Variants in TBR1 observed in about 807,000 individuals in gnomAD.
TBR1 encodes the protein T-box brain protein 1.
Under a neutral mutation model 60.3 loss-of-function variants are expected in TBR1, and 7 were observed. The observed-to-expected ratio is 0.12, with a 90% CI of 0.07 to 0.22. The LOEUF is 0.22. Among genes scored for constraint, TBR1 ranks in the 10% least tolerant of loss-of-function variants. TBR1 has a pLI of 1.00. For missense variants in TBR1, 616 were observed against 936.8 expected, an observed-to-expected ratio of 0.66 and a Z score of 4.47; for synonymous variants, 417 against 409.9, an observed-to-expected ratio of 1.02 and a Z score of -0.21.
rs1684138540 is a variant in TBR1 at position 161,417,208 on chromosome 2, G to T, written c.692+106G>T. The T allele has an allele frequency of 1.7e-6, 2 of 1,204,428 alleles. No homozygotes were observed. Among genetic ancestry groups the T allele is most frequent in the African/African-American group, 3.1e-5 (2 of 64,970 alleles). The allele number at this position is 1,204,428 out of a possible 1,614,324, so 74.6% of individuals were successfully genotyped here. A position where few individuals can be genotyped will look rare whatever the true frequency, so the allele number is the denominator to read the frequency against. On this transcript the variant is annotated intron_variant, in intron 1 of 5. Transcript: ENST00000389554. The surrounding 1 kb of genome is among the most constrained non-coding windows in gnomAD (Gnocchi z 5.3). Reference sequence around the variant, plus strand: ...ACGATTTGGGGTCGGGAGCGGAGTGGAAGGCGCCCTAGAGTTGGCTAGTTT... The same window carrying T: ...ACGATTTGGGGTCGGGAGCGGAGTGTAAGGCGCCCTAGAGTTGGCTAGTTT...
Position 161,417,520 on chromosome 2 carries a change from C to T in TBR1, c.693-156C>T, listed in dbSNP as rs1390423669. The T allele has an allele frequency of 4.0e-6, 4 of 1,011,800 alleles. No homozygotes were observed. The highest frequency in any genetic ancestry group is 5.7e-6 in the Non-Finnish European group (4 of 698,398). The allele number at this position is 1,011,800 out of a possible 1,614,324, so 62.7% of individuals were successfully genotyped here. ...TGATTTGGGTTGCACTTCTTTTCTTCTCCCACCACCCTTTTTCTAATCCAG... is the reference window on the plus strand; with the variant it reads ...TGATTTGGGTTGCACTTCTTTTCTTTTCCCACCACCCTTTTTCTAATCCAG... On this transcript the variant is annotated intron_variant, in intron 1 of 5. Coordinates refer to ENST00000389554, the MANE Select transcript of TBR1 (RefSeq NM_006593.4). The surrounding 1 kb of genome is among the most constrained non-coding windows in gnomAD (Gnocchi z 5.3).
chr2:161,418,888 A>G lies in TBR1; in HGVS notation c.970-4A>G, dbSNP rs893785093. Reference sequence around the variant, plus strand: ...CGGCGCTCCCCTTTCTTCCCGCCGGACAGATGGTGGTTTTACAGTCCTTGC... The same window carrying G: ...CGGCGCTCCCCTTTCTTCCCGCCGGGCAGATGGTGGTTTTACAGTCCTTGC... On this transcript the variant is annotated splice_polypyrimidine_tract_variant and splice_region_variant and intron_variant, in intron 3 of 5. Coordinates refer to ENST00000389554, the MANE Select transcript of TBR1 (RefSeq NM_006593.4). 4.4e-6 allele frequency: 7 copies of G among 1,608,032 alleles called. No individual in the cohort carries two copies. In the African/African-American group the frequency reaches 8.1e-5, roughly 19 times the overall value.
At chr2:161,422,306 T>C (rs1684245488) in intron 5 of TBR1, 1 of 152,266 alleles carries the variant, frequency 6.6e-6, no homozygotes, top group Admixed American at 6.5e-5. Context: ...TCAATTCTAA[T>C]GGGATTTTCT....
At chr2:161,418,624 G>T in intron 3 of TBR1, 2 of 551,898 alleles carry the variant, frequency 3.6e-6, no homozygotes, top group South Asian at 4.8e-5. Context: ...CTCCTTACAG[G>T]AGGACTAGGA....
Position 161,417,585 on chromosome 2 carries a change from T to C in TBR1, c.693-91T>C, listed in dbSNP as rs1214930812. The stretch of plus-strand genomic sequence containing the variant: ...TTTGCTGCAAGTACAAGTTTTGCTT[T>C]GCTAACTGGCGCCCCGCTTCTTGCA... On this transcript the variant is annotated intron_variant, in intron 1 of 5. Coordinates refer to ENST00000389554, the MANE Select transcript of TBR1 (RefSeq NM_006593.4). This position sits in a 1 kb window ranked among gnomAD's most constrained non-coding sequence, Gnocchi z 5.3. 4.0e-6 allele frequency: 6 copies of C among 1,489,568 alleles called. No individual in the cohort carries two copies. Among genetic ancestry groups the C allele is most frequent in the Non-Finnish European group, 5.4e-6 (6 of 1,105,564 alleles). The allele number at this position is 1,489,568 out of a possible 1,614,324, so 92.3% of individuals were successfully genotyped here. A position where few individuals can be genotyped will look rare whatever the true frequency, so the allele number is the denominator to read the frequency against.
In TBR1 at chr2:161,416,508, T is replaced by C. The variant is rs1574148762; in HGVS notation, c.98T>C (p.Val33Ala). 1 of 1,614,126 alleles carries C rather than the reference T, an allele frequency of 6.2e-7. No individual in the cohort carries two copies. ...SYPHSGGSEL[V>A]LHDHPIISTT... ...CCACATTCAGGCGGATCCGAGCTTG[T>C]CTTGCACGATCATCCCATTATCTCG... Residue 33 changes from valine (V) to alanine (A), a missense_variant, in exon 1 of 6, where the codon GTC becomes GCC. By Grantham distance (64) the Val-to-Ala change is moderately conservative. This residue lies in a region of TBR1 where 211 missense variants were observed against 268.7 expected (regional missense o/e 0.79). Coordinates refer to ENST00000389554, the MANE Select transcript of TBR1 (RefSeq NM_006593.4). The surrounding 1 kb of genome is among the most constrained non-coding windows in gnomAD (Gnocchi z 6.1).
rs1290848357 is a variant in TBR1, at chr2:161,417,929, C to G, written c.847+99C>G. 3 of 1,490,368 alleles carry G rather than the reference C, an allele frequency of 2.0e-6. No individual in the cohort carries two copies. The highest frequency in any genetic ancestry group is 2.7e-6 in the Non-Finnish European group (3 of 1,119,374). The allele number at this position is 1,490,368 out of a possible 1,614,324, so 92.3% of individuals were successfully genotyped here. ...TGGCTCGAGCGACTTTTAAAACGATCGGCCAATGACTTCTAAAAGGAAACG... is the reference window on the plus strand; with the variant it reads ...TGGCTCGAGCGACTTTTAAAACGATGGGCCAATGACTTCTAAAAGGAAACG... On this transcript the variant is annotated intron_variant, in intron 2 of 5. Transcript: ENST00000389554. The surrounding 1 kb of genome is among the most constrained non-coding windows in gnomAD (Gnocchi z 5.3).
At chr2:161,422,901 G>A (rs1221132896) in intron 5 of TBR1, 1 of 153,616 alleles carries the variant, frequency 6.5e-6, no homozygotes, top group Non-Finnish European at 1.4e-5. Flanking sequence ...GGTCTTAAAA[G>A]GGTGGAGGAG....
At chr2:161,418,756 C>T (rs1574150088) in intron 3 of TBR1, 136 bp from the exon 4 acceptor site, 1 of 1,231,198 alleles carries the variant, frequency 8.1e-7, no homozygotes, top group South Asian at 1.6e-5. Context: ...CAGGCGAGTC[C>T]CGCGGTCAGT....
rs1252411422 is a variant in TBR1 at position 161,419,068 on chromosome 2, C to T, written c.1128+18C>T. The T allele has an allele frequency of 6.2e-7, 1 of 1,613,654 alleles. No homozygotes were observed. The highest frequency in any genetic ancestry group is 2.2e-5 in the East Asian group (1 of 44,796). Reference sequence around the variant, plus strand: ...ACACGGATGTAAGGAGACCTAGGGGCTGGGGGCGAGGCGGGCGGCACAGAC... The same window carrying T: ...ACACGGATGTAAGGAGACCTAGGGGTTGGGGGCGAGGCGGGCGGCACAGAC... On this transcript the variant is annotated intron_variant, in intron 4 of 5. Transcript: ENST00000389554.
In TBR1 at chr2:161,424,320, G is replaced by A; in HGVS notation, c.*93G>A. 7.5e-7 allele frequency: 1 copy of A among 1,332,208 alleles called. No homozygotes were observed. Among genetic ancestry groups the A allele is most frequent in the Non-Finnish European group, 1.0e-6 (1 of 986,440 alleles). 82.5% of individuals were successfully genotyped at this position (1,332,208 alleles called of 1,614,324 possible). The stretch of plus-strand genomic sequence containing the variant: ...GCTCCGCCTCCCCACACTCCTCCTT[G>A]CGCACCCACTCATTTTATTTGACCC... On this transcript the variant is annotated 3_prime_UTR_variant, in exon 6 of 6. Transcript: ENST00000389554. The surrounding 1 kb of genome is among the most constrained non-coding windows in gnomAD (Gnocchi z 4.4).
rs1330079176 is a variant in TBR1 at position 161,423,919 on chromosome 2, T to C, written c.1741T>C (p.Tyr581His). 8 of 1,526,178 alleles carry C rather than the reference T, an allele frequency of 5.2e-6. No homozygotes were observed. Among genetic ancestry groups the C allele is most frequent in the Non-Finnish European group, 7.0e-6 (8 of 1,136,570 alleles). 94.5% of individuals were successfully genotyped at this position (1,526,178 alleles called of 1,614,324 possible). ...AAARMAGANP[Y>H]LGEEAEGLAA... Reference sequence around the variant, plus strand: ...CGCGCGCATGGCCGGCGCCAATCCCTACCTGGGCGAGGAGGCCGAGGGCCT... The same window carrying C: ...CGCGCGCATGGCCGGCGCCAATCCCCACCTGGGCGAGGAGGCCGAGGGCCT... Residue 581 changes from tyrosine (Y) to histidine (H), a missense_variant, in exon 6 of 6, where the codon TAC (tyrosine) becomes CAC (histidine). This residue lies in a region of TBR1 where 210 missense variants were observed against 297.4 expected (regional missense o/e 0.71). Coordinates refer to ENST00000389554, the MANE Select transcript of TBR1 (RefSeq NM_006593.4).
rs1161575681 is a variant in TBR1, at chr2:161,418,794, C to T, written c.970-98C>T. On this transcript the variant is annotated intron_variant, in intron 3 of 5. Transcript: ENST00000389554. Reference sequence around the variant, plus strand: ...GCCTGGAAGGCGGGCTGCAGGCTGCCTCCGCCGGCCCGGGCGCGCAGCCGG... The same window carrying T: ...GCCTGGAAGGCGGGCTGCAGGCTGCTTCCGCCGGCCCGGGCGCGCAGCCGG... 1.6e-5 allele frequency: 24 copies of T among 1,480,368 alleles called. No individual in the cohort carries two copies. In the Admixed American group the frequency reaches 5.5e-4, roughly 34 times the overall value. 91.7% of individuals were successfully genotyped at this position (1,480,368 alleles called of 1,614,324 possible).
chr2:161,423,796 G>A lies in TBR1; in HGVS notation c.1618G>A (p.Ala540Thr), dbSNP rs1307840196. The change falls in exon 6 of 6, where the codon GCC (alanine) becomes ACC (threonine). Residue 540 changes from alanine (A) to threonine (T), a missense_variant. Physicochemically the swap from Ala to Thr is moderately conservative, Grantham distance 58. Coordinates refer to ENST00000389554, the MANE Select transcript of TBR1 (RefSeq NM_006593.4). ...GCTGRPLGYY[A>T]DPSGWGARSP... ...CACTGGCCGCCCGCTCGGCTACTAC[G>A]CCGACCCGTCGGGCTGGGGCGCCCG... is the stretch of plus-strand genomic sequence containing the variant. 6.8e-7 allele frequency: 1 copy of A among 1,477,644 alleles called. No individual in the cohort carries two copies. Among genetic ancestry groups the A allele is most frequent in the Non-Finnish European group, 8.9e-7 (1 of 1,119,682 alleles). The allele number at this position is 1,477,644 out of a possible 1,614,324, so 91.5% of individuals were successfully genotyped here.
intron 5 of TBR1, chr2:161,420,593 G>T (rs892099558): frequency 5.1e-6 from 1 of 194,798 alleles, no homozygotes; most frequent in Admixed American, 5.9e-5. Flanking sequence ...AGGCTGCCCT[G>T]GTTCTCGGGT....
At chr2:161,418,023 C>A (rs1008279218) in intron 2 of TBR1, 178 bp from the exon 3 acceptor site, 28 of 1,453,026 alleles carry the variant, frequency 1.9e-5, no homozygotes, top group Admixed American at 5.7e-5. Flanking sequence ...TTAATCACCC[C>A]CAGTTAATAG....
At chr2:161,419,868 T>TA (rs1258705081) in intron 4 of TBR1, 4 of 169,670 alleles carry the variant, frequency 2.4e-5, no homozygotes, top group Non-Finnish European at 3.8e-5. Context: ...AAGTTCTCCT[T>TA]AAAGATTTTT....
Position 161,417,289 on chromosome 2 carries a change from C to T in TBR1, c.692+187C>T. The T allele has an allele frequency of 1.5e-6, 1 of 646,748 alleles. No individual in the cohort carries two copies. The highest frequency in any genetic ancestry group is 2.6e-6 in the Non-Finnish European group (1 of 387,126). 40.1% of individuals were successfully genotyped at this position (646,748 alleles called of 1,614,324 possible). A position where few individuals can be genotyped will look rare whatever the true frequency, so the allele number is the denominator to read the frequency against. On this transcript the variant is annotated intron_variant, in intron 1 of 5. Coordinates refer to ENST00000389554, the MANE Select transcript of TBR1 (RefSeq NM_006593.4). This position sits in a 1 kb window ranked among gnomAD's most constrained non-coding sequence, Gnocchi z 5.3. ...CCAGGGTGATGTTGGTGGGGGGGACCCCGTTCTAGGAACATAGTGGGAGAG... is the reference window on the plus strand; with the variant it reads ...CCAGGGTGATGTTGGTGGGGGGGACTCCGTTCTAGGAACATAGTGGGAGAG...
At position 161,424,065 on chromosome 2, in the gene TBR1, G is replaced by C. The variant is rs141538890; in HGVS notation, c.1887G>C (p.Ser629=). Residue 629 remains serine, a synonymous_variant, in exon 6 of 6, where the codon TCG becomes TCC. Coordinates refer to ENST00000389554, the MANE Select transcript of TBR1 (RefSeq NM_006593.4). This position sits in a 1 kb window ranked among gnomAD's most constrained non-coding sequence, Gnocchi z 4.4. ...SSIKSIDSSD[S]GIYEQAKRRR... ...TCAAGTCCATCGACTCCAGCGACTC[G>C]GGGATTTACGAGCAGGCCAAGCGGA... The C allele has an allele frequency of 3.7e-6, 6 of 1,610,428 alleles. No homozygotes were observed. The highest frequency in any genetic ancestry group is 5.1e-6 in the Non-Finnish European group (6 of 1,178,728).
Sources: gnomAD v4.1 joint callset for allele counts on GRCh38, gnomAD v4.1.1 for gene constraint, gnomAD v4.1.1 regional missense constraint, Gnocchi (gnomAD v3.1) non-coding constraint, MANE v1.5 for transcripts, NCBI Gene and HGNC (gene_info 2026-07-23, HGNC 2026-07-21) for gene names.